The following CXCL13 variants were observed in gnomAD, a reference collection of about 807,000 sequenced individuals.
The protein encoded by CXCL13 is C-X-C motif chemokine ligand 13.
In CXCL13, 7 loss-of-function variants were observed where a neutral mutation model predicts 12.2. The observed-to-expected ratio is 0.57, with a 90% CI of 0.33 to 1.07. CXCL13 has a LOEUF of 1.07. Among genes scored for constraint, CXCL13 ranks in the 50% least tolerant of loss-of-function variants. CXCL13 has a pLI of 0.04. For missense variants in CXCL13, 113 were observed against 127.4 expected, an observed-to-expected ratio of 0.89 and a Z score of 0.55; for synonymous variants, 47 against 42.4, an observed-to-expected ratio of 1.11 and a Z score of -0.42.
At chr4:77,550,994 A>G (rs1428685603) in intron 1 of CXCL13, among the ~76,000 whole-genome samples, 1 of 152,056 alleles carries the variant, frequency 6.6e-6, no homozygotes, top group African/African-American at 2.4e-5. Flanking sequence ...TTTCTCTGAC[A>G]TTTACTTTGA....
At chr4:77,522,514 C>CTTTTTT (rs777857811) in intron 1 of CXCL13, among the ~76,000 whole-genome samples, 150 of 10,090 alleles carry the variant, frequency 0.015, 45 homozygotes, top group African/African-American at 0.029. Flanking sequence ...GCAACCCCTG[C>CTTTTTT]TTTTTTTTTT....
intron 1 of CXCL13, among the ~76,000 whole-genome samples, chr4:77,570,709 G>T (rs528147174): frequency 1.1e-4 from 16 of 152,322 alleles, no homozygotes; most frequent in Non-Finnish European, 1.3e-4. Flanking sequence ...GCGCTTGTGG[G>T]CCAGCTGGAG....
At chr4:77,549,615 G>C (rs994329088) in intron 1 of CXCL13, among the ~76,000 whole-genome samples, 1 of 152,174 alleles carries the variant, frequency 6.6e-6, no homozygotes, top group Non-Finnish European at 1.5e-5. Flanking sequence ...TTCTTTTGGA[G>C]TTTGCTGGAG....
chr4:77,583,818 G>A (rs1017477488), intron 1 of CXCL13, among the ~76,000 whole-genome samples: 7 of 152,152 alleles, frequency 4.6e-5, no homozygotes, highest in Non-Finnish European at 7.3e-5. Context: ...GATAACCATC[G>A]ATCTATAAGG....
At chr4:77,528,777 G>A (rs1724834739) in intron 1 of CXCL13, among the ~76,000 whole-genome samples, 1 of 152,146 alleles carries the variant, frequency 6.6e-6, no homozygotes, top group South Asian at 2.1e-4. Context: ...AAGCTCTTCA[G>A]TTTAATTAGA....
chr4:77,552,120 G>A (rs562225586), intron 1 of CXCL13, among the ~76,000 whole-genome samples: 4 of 152,258 alleles, frequency 2.6e-5, no homozygotes, highest in Admixed American at 6.5e-5. Context: ...TCGCTGGAGA[G>A]GTAGTGTGAT....
chr4:77,530,725 G>T (rs193101717), intron 1 of CXCL13, among the ~76,000 whole-genome samples: 1 of 152,086 alleles, frequency 6.6e-6, no homozygotes, highest in Non-Finnish European at 1.5e-5. Flanking sequence ...CAAAAAACCA[G>T]CTCCTGGATT....
At chr4:77,571,162 A>C (rs1726069196) in intron 1 of CXCL13, among the ~76,000 whole-genome samples, 1 of 151,946 alleles carries the variant, frequency 6.6e-6, no homozygotes, top group South Asian at 2.1e-4. Context: ...CTTTATATCT[A>C]GCTCAGGGAT....
chr4:77,517,265 GA>G (rs1183076835), intron 1 of CXCL13, among the ~76,000 whole-genome samples: 2 of 152,108 alleles, frequency 1.3e-5, no homozygotes, highest in Admixed American at 1.3e-4. Context: ...GTGTGGTGCT[GA>G]AAAAAATGTA....
chr4:77,542,801 T>C (rs1465683713), intron 1 of CXCL13, among the ~76,000 whole-genome samples: 2 of 152,198 alleles, frequency 1.3e-5, no homozygotes, highest in African/African-American at 2.4e-5. Context: ...TCCATGTTAA[T>C]CAGGGATATT....
chr4:77,519,683 T>C (rs1395225475), intron 1 of CXCL13, among the ~76,000 whole-genome samples: 1 of 152,218 alleles, frequency 6.6e-6, no homozygotes, highest in Non-Finnish European at 1.5e-5. Flanking sequence ...ACTGTGATGG[T>C]AGTTTCTTTT....
chr4:77,540,016 G>T (rs912421992), intron 1 of CXCL13, among the ~76,000 whole-genome samples: 4 of 152,096 alleles, frequency 2.6e-5, no homozygotes, highest in Admixed American at 6.5e-5. Flanking sequence ...GCTGACAGTT[G>T]TATCAATCTT....
chr4:77,604,460 T>G (rs891078083), upstream of CXCL13, among the ~76,000 whole-genome samples: 4 of 152,064 alleles, frequency 2.6e-5, no homozygotes, highest in Non-Finnish European at 5.9e-5. Flanking sequence ...TATATTTGGA[T>G]TGCCATCATA....
At chr4:77,576,460 G>GC (rs1233446699) in intron 1 of CXCL13, among the ~76,000 whole-genome samples, 2 of 152,152 alleles carry the variant, frequency 1.3e-5, no homozygotes, top group Non-Finnish European at 2.9e-5. Flanking sequence ...ATAATTGTTT[G>GC]CATCAGTGCA....
At chr4:77,601,146 C>G (rs1726874558), upstream of CXCL13, among the ~76,000 whole-genome samples, 1 of 152,082 alleles carries the variant, frequency 6.6e-6, no homozygotes. Context: ...GGTGGCTTCC[C>G]TGCATTTAAG....
intron 1 of CXCL13, among the ~76,000 whole-genome samples, chr4:77,547,367 G>T (rs1004634837): frequency 2.0e-5 from 3 of 152,176 alleles, no homozygotes; most frequent in African/African-American, 7.2e-5. Context: ...GGGAGTCTAA[G>T]TCTCTTTCTA....
chr4:77,566,717 T>C (rs2109815979), intron 1 of CXCL13, among the ~76,000 whole-genome samples: 1 of 152,286 alleles, frequency 6.6e-6, no homozygotes, highest in South Asian at 2.1e-4. Flanking sequence ...TAGAGTGCAT[T>C]TCCTTGGCCC....
chr4:77,608,269 C>T (rs766596356), intron 2 of CXCL13, among the ~76,000 whole-genome samples: 3 of 151,968 alleles, frequency 2.0e-5, no homozygotes, highest in Non-Finnish European at 2.9e-5. Flanking sequence ...GGAGAAACCC[C>T]GTCTCTACTA....
chr4:77,571,686 G>T (rs1726084029), intron 1 of CXCL13, among the ~76,000 whole-genome samples: 1 of 151,810 alleles, frequency 6.6e-6, no homozygotes, highest in African/African-American at 2.4e-5. Context: ...GCAGGATGTG[G>T]GTGGGGCCAG....
Sources: gnomAD v4.1 joint callset for allele counts (sites outside exome capture counted in the v4.1 genomes callset) on GRCh38, gnomAD v4.1.1 for gene constraint, MANE v1.5 for transcripts, NCBI Gene and HGNC (gene_info 2026-07-23, HGNC 2026-07-21) for gene names.